Variants in REPS2 observed in about 807,000 individuals in gnomAD.
REPS2 encodes the protein RALBP1 associated Eps domain containing 2.
REPS2 carries 23 observed loss-of-function variants against 53.6 expected under a neutral mutation model. That is an observed-to-expected ratio of 0.43 (90% CI 0.31 to 0.61). The LOEUF is 0.61. Among genes scored for constraint, REPS2 ranks in the 20% least tolerant of loss-of-function variants. The pLI is 0.11. For missense variants in REPS2, 446 were observed against 534.9 expected (o/e 0.83, Z 1.64); for synonymous variants, 238 against 218.6 (o/e 1.09, Z -0.78).
intron 1 of REPS2, among the ~76,000 whole-genome samples, chrX:16,950,593 A>G (rs189154227): frequency 2.9e-3 from 327 of 112,729 alleles, no homozygotes; most frequent in Non-Finnish European, 4.6e-3. Context: ...TGGAAAACGT[A>G]TATGAGTTTC....
At chrX:17,147,009 A>G (rs1456022539) in intron 17 of REPS2, among the ~76,000 whole-genome samples, 1 of 111,930 alleles carries the variant, frequency 8.9e-6, no homozygotes, top group Non-Finnish European at 1.9e-5. Flanking sequence ...ATTACGAGCC[A>G]GAGATTGCAA....
chrX:17,101,114 T>C (rs1238415896), intron 13 of REPS2, among the ~76,000 whole-genome samples: 1 of 103,080 alleles, frequency 9.7e-6, no homozygotes, highest in Non-Finnish European at 2.0e-5. Context: ...AGTGCAGTGG[T>C]GTGATCTCGG....
intron 14 of REPS2, among the ~76,000 whole-genome samples, chrX:17,108,985 A>C (rs1241968500): frequency 1.8e-5 from 2 of 108,732 alleles, no homozygotes; most frequent in Non-Finnish European, 3.8e-5. Flanking sequence ...AAAAAAAAAA[A>C]CCCAAATGCA....
chrX:17,093,201 A>ATATATATATATATATATAT (rs2062647822), intron 13 of REPS2, among the ~76,000 whole-genome samples: 5 of 22,517 alleles, frequency 2.2e-4, no homozygotes, highest in Non-Finnish European at 3.6e-4. Context: ...TATATATATA[A>ATATATATATATATATATAT]TTTTTTTTTT....
chrX:16,990,926 TAAG>T (rs2061155400), intron 1 of REPS2, among the ~76,000 whole-genome samples: 1 of 110,998 alleles, frequency 9.0e-6, no homozygotes, highest in African/African-American at 3.3e-5. Context: ...AAATGCTAAA[TAAG>T]AAGCACTTTT....
intron 5 of REPS2, among the ~76,000 whole-genome samples, chrX:17,039,773 C>T (rs981260247): frequency 1.8e-4 from 20 of 112,159 alleles, no homozygotes; most frequent in Non-Finnish European, 3.4e-4. Context: ...ACTTCCCTTA[C>T]CTAATCCTCA....
chrX:17,166,125 G>A, the REPS2 span, among the ~76,000 whole-genome samples: 10 of 111,190 alleles, frequency 9.0e-5, no homozygotes, highest in African/African-American at 1.6e-4. Flanking sequence ...TTCTCTCGCC[G>A]CTGACCTGTG....
chrX:16,997,174 C>T (rs1193292196), intron 1 of REPS2, among the ~76,000 whole-genome samples: 1 of 112,074 alleles, frequency 8.9e-6, no homozygotes, highest in Admixed American at 9.4e-5. Context: ...GAAACCTGGG[C>T]CAGAATGCTA....
At chrX:17,174,261 G>A in the REPS2 span, among the ~76,000 whole-genome samples, 1 of 111,838 alleles carries the variant, frequency 8.9e-6, no homozygotes, top group Non-Finnish European at 1.9e-5. Context: ...GTCAAATAGG[G>A]TTAACAGCAC....
the REPS2 span, among the ~76,000 whole-genome samples, chrX:17,195,720 C>A: frequency 1.8e-5 from 2 of 112,069 alleles, no homozygotes; most frequent in African/African-American, 3.2e-5. Context: ...AAGGAGTATT[C>A]TTATTCTGTC....
At chrX:17,072,737 T>A (rs1486126201) in intron 11 of REPS2, among the ~76,000 whole-genome samples, 3 of 112,172 alleles carry the variant, frequency 2.7e-5, no homozygotes, top group Non-Finnish European at 5.6e-5. Context: ...GTGGTGAGTC[T>A]GGTCCACTCT....
intron 9 of REPS2, among the ~76,000 whole-genome samples, chrX:17,064,477 A>T (rs2062200687): frequency 8.9e-6 from 1 of 111,960 alleles, no homozygotes; most frequent in Non-Finnish European, 1.9e-5. Flanking sequence ...CGTCATGAGA[A>T]ATTGGCTTAG....
the REPS2 span, among the ~76,000 whole-genome samples, chrX:17,195,217 T>C: frequency 8.9e-6 from 1 of 112,360 alleles, no homozygotes. Flanking sequence ...AAAGAACTTC[T>C]GGCAAAAGAA....
chrX:16,978,071 G>A (rs950595927), intron 1 of REPS2, among the ~76,000 whole-genome samples: 2 of 112,011 alleles, frequency 1.8e-5, no homozygotes, highest in African/African-American at 3.2e-5. Context: ...TTCTTACAGA[G>A]TAGGGATGAA....
intron 1 of REPS2, among the ~76,000 whole-genome samples, chrX:16,965,233 C>G (rs1271054617): frequency 9.7e-6 from 1 of 103,391 alleles, no homozygotes; most frequent in African/African-American, 3.6e-5. Flanking sequence ...GCGCCCCTCA[C>G]TTCCCGGACG....
At chrX:16,948,828 A>G (rs1038580872) in intron 1 of REPS2, among the ~76,000 whole-genome samples, 1 of 112,320 alleles carries the variant, frequency 8.9e-6, no homozygotes, top group African/African-American at 3.2e-5. Context: ...AGACTGCTTC[A>G]GATACTGGCA....
chrX:17,078,682 C>T (rs1239798710), intron 13 of REPS2, among the ~76,000 whole-genome samples: 1 of 112,207 alleles, frequency 8.9e-6, no homozygotes, highest in African/African-American at 3.2e-5. Flanking sequence ...ATCTCAGTAC[C>T]TTTACCTTGC....
chrX:17,022,392 G>A, intron 3 of REPS2, 121 bp downstream of exon 3: 1 of 657,975 alleles, frequency 1.5e-6, no homozygotes, highest in Non-Finnish European at 2.2e-6. Context: ...TTACAGACTT[G>A]GAAGTGAGCC....
At chrX:17,121,816 A>G (rs1955586280) in intron 14 of REPS2, among the ~76,000 whole-genome samples, 1 of 111,293 alleles carries the variant, frequency 9.0e-6, no homozygotes, top group Non-Finnish European at 1.9e-5. Flanking sequence ...GGTTCAAGCA[A>G]TTTAGCTCAC....
Sources: gnomAD v4.1 joint callset for allele counts (sites outside exome capture counted in the v4.1 genomes callset) on GRCh38, gnomAD v4.1.1 for gene constraint, MANE v1.5 for transcripts, NCBI Gene and HGNC (gene_info 2026-07-23, HGNC 2026-07-21) for gene names.